Variants in BET1 observed in about 807,000 individuals in gnomAD.
BET1 encodes Bet1 golgi vesicular membrane trafficking protein.
In BET1, 9 loss-of-function variants were observed where a neutral mutation model predicts 13.9. The ratio of observed to expected loss-of-function variants is 0.65; its 90% CI spans 0.39 to 1.13. BET1 has a LOEUF of 1.13. Ranked by LOEUF, BET1 falls within the 50% of genes most tolerant of loss-of-function variation. BET1 has a pLI of 0.01. For synonymous variants in BET1, 39 were observed against 47.3 expected (o/e 0.82, Z 0.72); for missense variants, 127 against 133.6 (o/e 0.95, Z 0.24).
chr7:93,975,639 C>T (rs1218321471), intron 5 of BET1, among the ~76,000 whole-genome samples: 1 of 151,932 alleles, frequency 6.6e-6, no homozygotes, highest in Non-Finnish European at 1.5e-5. Flanking sequence ...CATTCCACAC[C>T]AGTTAATGCT....
At chr7:93,991,236 A>G (rs146324664), downstream of BET1, among the ~76,000 whole-genome samples, 80 of 152,350 alleles carry the variant, frequency 5.3e-4, no homozygotes, top group Middle Eastern at 3.4e-3. Context: ...CAAGTTGAGA[A>G]AAAGTTAACA....
chr7:93,963,733 T>C (rs537888366), exon 7 of BET1: 1 of 152,248 alleles, frequency 6.6e-6, no homozygotes, highest in East Asian at 1.9e-4. Flanking sequence ...AATTTCCTTT[T>C]GGGCTTCTAC....
At chr7:93,995,982 A>G (rs1795762420) in intron 3 of BET1, 2 of 470,902 alleles carry the variant, frequency 4.2e-6, no homozygotes, top group Admixed American at 8.8e-5. Context: ...GACTTCTAAG[A>G]CTACTCAAAA....
chr7:93,993,119 G>A (rs1795673817), downstream of BET1: 1 of 982,086 alleles, frequency 1.0e-6, no homozygotes, highest in African/African-American at 1.8e-5. Flanking sequence ...GTCAAGATTT[G>A]CTTATTTGTT....
At chr7:93,999,316 A>G (rs1391522501) in intron 1 of BET1, 22 bp from the exon 2 acceptor site, 1 of 1,590,146 alleles carries the variant, frequency 6.3e-7, no homozygotes. Flanking sequence ...AGAGTCACAA[A>G]GGTGGTTCTA....
intron 3 of BET1, among the ~76,000 whole-genome samples, chr7:93,995,773 C>G (rs1182166590): frequency 1.3e-5 from 2 of 152,130 alleles, no homozygotes; most frequent in Non-Finnish European, 2.9e-5. Context: ...TGGAAGGGGA[C>G]TCTAACAAGA....
At chr7:93,966,193 G>T (rs961627255) in intron 6 of BET1, among the ~76,000 whole-genome samples, 4 of 151,884 alleles carry the variant, frequency 2.6e-5, no homozygotes, top group African/African-American at 9.7e-5. Context: ...TTGATTGATT[G>T]GTCCCAAGTA....
intron 1 of BET1, among the ~76,000 whole-genome samples, chr7:94,001,876 C>T (rs1795913080): frequency 6.6e-6 from 1 of 152,210 alleles, no homozygotes; most frequent in East Asian, 1.9e-4. Context: ...TTTTTCTTTC[C>T]TTTGTTTAGT....
intron 4 of BET1, among the ~76,000 whole-genome samples, chr7:93,982,491 T>C (rs1795445372): frequency 6.6e-6 from 1 of 152,172 alleles, no homozygotes; most frequent in African/African-American, 2.4e-5. Flanking sequence ...ATGTGCCAGA[T>C]ACTATGTTGG....
intron 4 of BET1, among the ~76,000 whole-genome samples, chr7:93,985,261 C>T (rs1795504549): frequency 6.6e-6 from 1 of 152,152 alleles, no homozygotes; most frequent in Non-Finnish European, 1.5e-5. Context: ...AAAAACAATG[C>T]TGTGTGTGAT....
chr7:93,974,514 G>A (rs781030854), intron 5 of BET1, among the ~76,000 whole-genome samples: 5 of 151,912 alleles, frequency 3.3e-5, no homozygotes, highest in African/African-American at 4.8e-5. Context: ...GGAGCCAAAT[G>A]GAAAAGATCC....
intron 6 of BET1, among the ~76,000 whole-genome samples, chr7:93,970,789 T>G (rs1487060355): frequency 2.6e-5 from 4 of 151,866 alleles, no homozygotes; most frequent in East Asian, 1.9e-4. Flanking sequence ...CGACTCAAAC[T>G]TATTAATTCG....
In BET1 at chr7:93,993,959, G is replaced by A. The variant is rs1795698963; in HGVS notation, c.*271C>T. On this transcript the variant is annotated 3_prime_UTR_variant, in exon 4 of 4. Transcript: ENST00000222547. ...TATTATAATGCTATTTAATCTGACA[G>A]TTGGCAAACAATAGAAAAACAAACT... is the stretch of plus-strand genomic sequence containing the variant. 6.5e-7 allele frequency: 1 copy of A among 1,533,220 alleles called. No individual in the cohort carries two copies. The highest frequency in any genetic ancestry group is 2.0e-5 in the Admixed American group (1 of 50,456). The allele number at this position is 1,533,220 out of a possible 1,614,324, so 95.0% of individuals were successfully genotyped here. A position where few individuals can be genotyped will look rare whatever the true frequency, so the allele number is the denominator to read the frequency against.
chr7:93,962,969 T>C (rs1432070966), exon 7 of BET1: 3 of 152,198 alleles, frequency 2.0e-5, no homozygotes, highest in East Asian at 3.9e-4. Context: ...TTCTATGCAT[T>C]TATGGGATGT....
At chr7:93,978,282 T>G (rs746699782) in intron 4 of BET1, among the ~76,000 whole-genome samples, 1 of 152,176 alleles carries the variant, frequency 6.6e-6, no homozygotes, top group Non-Finnish European at 1.5e-5. Flanking sequence ...TGGCCCAGTC[T>G]GGTCTGGAGC....
At chr7:93,996,772 T>C (rs751063396) in intron 2 of BET1, among the ~76,000 whole-genome samples, 2 of 151,150 alleles carry the variant, frequency 1.3e-5, no homozygotes, top group Admixed American at 6.6e-5. Context: ...AGGTTTGTTA[T>C]ACAGTTAAAC....
chr7:93,995,560 C>CGTAAA (rs1445159123), intron 3 of BET1, among the ~76,000 whole-genome samples: 22 of 152,098 alleles, frequency 1.4e-4, no homozygotes, highest in African/African-American at 5.3e-4. Context: ...TAGATCCCTC[C>CGTAAA]TCACGAAATT....
chr7:93,991,927 T>C, downstream of BET1: 1 of 981,010 alleles, frequency 1.0e-6, no homozygotes, highest in Non-Finnish European at 1.2e-6. Context: ...TTTAGGAGCA[T>C]TAAAAAATTA....
intron 6 of BET1, among the ~76,000 whole-genome samples, chr7:93,970,038 T>C (rs1323383114): frequency 2.0e-5 from 3 of 151,856 alleles, no homozygotes; most frequent in Non-Finnish European, 4.4e-5. Context: ...TAAGTGTTTT[T>C]AGTCAGTGGC....
Sources: allele counts gnomAD v4.1 joint callset (sites outside exome capture counted in the v4.1 genomes callset), GRCh38; gene constraint gnomAD v4.1.1; transcripts MANE v1.5; gene names NCBI Gene and HGNC (gene_info 2026-07-23, HGNC 2026-07-21).